Variants in SASH1 observed in about 807,000 individuals in gnomAD.
The protein encoded by SASH1 is SAM and SH3 domain containing 1, also known as SAM and SH3 domain-containing protein 1.
In SASH1, 44 loss-of-function variants were observed where a neutral mutation model predicts 125.2. That is an observed-to-expected ratio of 0.35 (90% CI 0.28 to 0.45). SASH1 has a LOEUF of 0.45. Among genes scored for constraint, SASH1 ranks in the 20% least tolerant of loss-of-function variants. SASH1 has a pLI of 1.00. For synonymous variants in SASH1, 639 were observed against 649.1 expected (o/e 0.98, Z 0.24); for missense variants, 1,426 against 1,614.5 (o/e 0.88, Z 2.00).
the SASH1 span, among the ~76,000 whole-genome samples, chr6:148,234,792 A>AC: frequency 6.6e-6 from 1 of 151,104 alleles, no homozygotes; most frequent in Non-Finnish European, 1.5e-5. Flanking sequence ...GCGCCATTGC[A>AC]CTCCAGCCTG....
chr6:148,360,860 A>G (rs1782172471), intron 1 of SASH1, among the ~76,000 whole-genome samples: 1 of 152,200 alleles, frequency 6.6e-6, no homozygotes, highest in Non-Finnish European at 1.5e-5. Context: ...TTTTCCCACA[A>G]AAAAGGATAC....
At chr6:148,269,239 A>G (rs1403012912), upstream of SASH1, among the ~76,000 whole-genome samples, 1 of 152,100 alleles carries the variant, frequency 6.6e-6, no homozygotes, top group Non-Finnish European at 1.5e-5. Context: ...GCAAGAACAG[A>G]GCTATGGGCA....
At chr6:148,421,101 A>G (rs565463348) in intron 2 of SASH1, among the ~76,000 whole-genome samples, 18 of 137,752 alleles carry the variant, frequency 1.3e-4, no homozygotes, top group African/African-American at 4.0e-4. Context: ...AGAAAAGAAA[A>G]GAAAAGAAAG....
chr6:148,385,497 T>C (rs1157962671), intron 1 of SASH1, among the ~76,000 whole-genome samples: 1 of 152,214 alleles, frequency 6.6e-6, no homozygotes, highest in African/African-American at 2.4e-5. Flanking sequence ...TATTTTTTTG[T>C]ATGTTAATGA....
At chr6:148,355,681 A>G (rs780482007) in intron 1 of SASH1, among the ~76,000 whole-genome samples, 2 of 152,176 alleles carry the variant, frequency 1.3e-5, no homozygotes, top group Non-Finnish European at 2.9e-5. Context: ...CATAGAGACC[A>G]GGAGGGGAGA....
At chr6:148,349,678 G>A (rs1023370556) in intron 1 of SASH1, among the ~76,000 whole-genome samples, 20 of 152,052 alleles carry the variant, frequency 1.3e-4, no homozygotes, top group Non-Finnish European at 2.1e-4. Flanking sequence ...TTTCTGTGTC[G>A]AGTCATTACC....
intron 8 of SASH1, among the ~76,000 whole-genome samples, chr6:148,507,358 TTTGTTGTTGTTG>T (rs140530862): frequency 2.0e-5 from 3 of 150,394 alleles, no homozygotes; most frequent in Admixed American, 1.3e-4. Context: ...CCAATTCCCT[TTTGTTGTTGTTG>T]TTGTTGTTGT....
chr6:148,462,089 G>A (rs1334887816), intron 4 of SASH1, among the ~76,000 whole-genome samples: 1 of 152,084 alleles, frequency 6.6e-6, no homozygotes, highest in African/African-American at 2.4e-5. Flanking sequence ...GCCTTGGCAG[G>A]CCTGGGATGA....
the SASH1 span, among the ~76,000 whole-genome samples, chr6:148,240,251 C>T: frequency 6.6e-6 from 1 of 151,868 alleles, no homozygotes; most frequent in Non-Finnish European, 1.5e-5. Context: ...ATTGTCCCCA[C>T]ACAGTGTTGA....
At chr6:148,320,394 G>A (rs1022483268) in intron 1 of SASH1, among the ~76,000 whole-genome samples, 4 of 152,196 alleles carry the variant, frequency 2.6e-5, no homozygotes, top group African/African-American at 9.6e-5. Flanking sequence ...CTTTGGGCAG[G>A]TATGACCTTC....
chr6:148,368,770 G>GCACGCGCACACACACA (rs1554245333), intron 1 of SASH1, among the ~76,000 whole-genome samples: 9 of 135,732 alleles, frequency 6.6e-5, no homozygotes, highest in Admixed American at 1.5e-4. Flanking sequence ...GCACGCGCGC[G>GCACGCGCACACACACA]CACACACACA....
intron 1 of SASH1, among the ~76,000 whole-genome samples, chr6:148,299,965 T>C (rs1351579986): frequency 6.6e-6 from 1 of 152,172 alleles, no homozygotes; most frequent in Non-Finnish European, 1.5e-5. Context: ...AAACTTTCAA[T>C]GCCTGGGGCC....
At chr6:148,408,256 C>T (rs1330264772) in intron 2 of SASH1, among the ~76,000 whole-genome samples, 13 of 150,910 alleles carry the variant, frequency 8.6e-5, no homozygotes, top group African/African-American at 1.5e-4. Flanking sequence ...TACAGGTGCC[C>T]GCCACCACGC....
At chr6:148,470,103 A>G (rs1778030202) in intron 5 of SASH1, among the ~76,000 whole-genome samples, 1 of 152,200 alleles carries the variant, frequency 6.6e-6, no homozygotes, top group Admixed American at 6.5e-5. Flanking sequence ...GTCCAAGAGC[A>G]AGATTGAGTT....
intron 2 of SASH1, among the ~76,000 whole-genome samples, chr6:148,403,523 A>T (rs1327543319): frequency 6.6e-6 from 1 of 152,148 alleles, no homozygotes; most frequent in African/African-American, 2.4e-5. Flanking sequence ...ACAATTGTTA[A>T]CAGCTGGGTT....
chr6:148,396,638 A>G (rs1783965084), intron 2 of SASH1, among the ~76,000 whole-genome samples: 2 of 152,108 alleles, frequency 1.3e-5, no homozygotes, highest in Non-Finnish European at 2.9e-5. Context: ...AACCAGTGCT[A>G]ATTGTCAGAG....
the SASH1 span, among the ~76,000 whole-genome samples, chr6:148,205,736 A>C: frequency 6.6e-6 from 1 of 151,738 alleles, no homozygotes. Flanking sequence ...AACTATCCTA[A>C]CCCTGCTGTC....
chr6:148,375,397 T>G lies in SASH1; in HGVS notation c.157-14737T>G, dbSNP rs78804359. Among the ~76,000 whole-genome samples the G allele has an allele frequency of 2.6e-4, 39 of 152,196 alleles. No individual in the cohort carries two copies. In the South Asian group the frequency reaches 3.7e-3, roughly 15 times the overall value. ...TCACATAGTTAACTTTTTTTTTTTT[T>G]TGTGGTGACAAGAACAGCTAAAATC... On this transcript the variant is annotated intron_variant, in intron 1 of 19. Transcript: ENST00000367467.
Position 148,532,990 on chromosome 6 carries a change from G to A in SASH1, c.1734+24G>A. On this transcript the variant is annotated intron_variant, in intron 14 of 19. Transcript: ENST00000367467. The surrounding 1 kb of genome is among the most constrained non-coding windows in gnomAD (Gnocchi z 4.7). ...AGGTATCTCTCTCCCTGGCCTCAGA[G>A]CAGCTAACTGGGCTCTTCCATTTCT... 1.2e-6 allele frequency: 2 copies of A among 1,611,206 alleles called. No individual in the cohort carries two copies. The highest frequency in any genetic ancestry group is 1.3e-5 in the African/African-American group (1 of 74,978).
Sources: allele counts gnomAD v4.1 joint callset (sites outside exome capture counted in the v4.1 genomes callset), GRCh38; gene constraint gnomAD v4.1.1; non-coding constraint Gnocchi (gnomAD v3.1); transcripts MANE v1.5; gene names NCBI Gene and HGNC (gene_info 2026-07-23, HGNC 2026-07-21).